The following GRAP2 variants were observed in gnomAD, a reference collection of about 807,000 sequenced individuals.
The protein encoded by GRAP2 is GRB2-related adapter protein 2.
GRAP2 carries 31 observed loss-of-function variants against 43.5 expected under a neutral mutation model. The ratio of observed to expected loss-of-function variants is 0.71; its 90% confidence interval spans 0.54 to 0.96. The LOEUF (loss-of-function observed/expected upper bound fraction) is 0.96. Among genes scored for constraint, GRAP2 ranks in the 40% least tolerant of loss-of-function variants. The probability of loss-of-function intolerance (pLI) is 0.00; values close to 1 mark genes in which losing one functional copy is unlikely to be tolerated. For synonymous variants in GRAP2, 156 were observed against 164.8 expected (o/e 0.95, Z 0.41); for missense variants, 371 against 424.4 (o/e 0.87, Z 1.11).
chr22:39,897,583 A>G (rs1451800562), upstream of GRAP2, among the ~76,000 whole-genome samples: 2 of 145,650 alleles, frequency 1.4e-5, no homozygotes, highest in African/African-American at 5.2e-5. Context: ...GCAATGGCGC[A>G]ATCTCGGCTC....
intron 1 of GRAP2, among the ~76,000 whole-genome samples, chr22:39,932,001 C>T (rs1373820642): frequency 6.6e-6 from 1 of 152,094 alleles, no homozygotes; most frequent in Non-Finnish European, 1.5e-5. Flanking sequence ...TATTCCAAAC[C>T]ACAACCTTCA....
intron 7 of GRAP2, among the ~76,000 whole-genome samples, chr22:39,969,766 T>C (rs1006080149): frequency 6.6e-6 from 1 of 152,008 alleles, no homozygotes; most frequent in Non-Finnish European, 1.5e-5. Flanking sequence ...ATACAAAAAT[T>C]AGCCAGGCAT....
chr22:39,966,306 T>C (rs898317371), intron 5 of GRAP2, 148 bp downstream of exon 5: 6 of 639,000 alleles, frequency 9.4e-6, no homozygotes. Flanking sequence ...GATCTCAACT[T>C]AACACTTCCT....
upstream of GRAP2, among the ~76,000 whole-genome samples, chr22:39,899,404 AACC>A (rs1197938368): frequency 3.3e-5 from 5 of 152,146 alleles, no homozygotes; most frequent in African/African-American, 1.2e-4. Context: ...ACCATTTCAA[AACC>A]ATCGACTTGG....
chr22:39,927,290 A>G (rs1601703394), intron 1 of GRAP2, among the ~76,000 whole-genome samples: 1 of 152,158 alleles, frequency 6.6e-6, no homozygotes. Flanking sequence ...TTGGTCTGGC[A>G]TTGGGTTTAT....
At chr22:39,927,682 C>A (rs1486363002) in intron 1 of GRAP2, among the ~76,000 whole-genome samples, 1 of 151,924 alleles carries the variant, frequency 6.6e-6, no homozygotes, top group Non-Finnish European at 1.5e-5. Flanking sequence ...TTTTTCCTCT[C>A]ACCCATGACT....
chr22:39,924,851 C>G (rs1042473775), intron 1 of GRAP2, among the ~76,000 whole-genome samples: 1 of 152,200 alleles, frequency 6.6e-6, no homozygotes, highest in African/African-American at 2.4e-5. Flanking sequence ...AGAAGTAAAA[C>G]TCAAACCACA....
the GRAP2 span, among the ~76,000 whole-genome samples, chr22:39,895,457 A>C: frequency 6.6e-6 from 1 of 152,186 alleles, no homozygotes; most frequent in South Asian, 2.1e-4. Context: ...GAAATCGAAA[A>C]GGTGACCTGG....
chr22:39,926,789 C>A, intron 1 of GRAP2: 1 of 984,798 alleles, frequency 1.0e-6, no homozygotes, highest in Non-Finnish European at 1.2e-6. Context: ...AGCAGGTTCG[C>A]CCAAACAATT....
At chr22:39,944,132 C>A (rs756502513) in intron 1 of GRAP2, among the ~76,000 whole-genome samples, 4 of 152,166 alleles carry the variant, frequency 2.6e-5, no homozygotes, top group Non-Finnish European at 5.9e-5. Context: ...TGTTGCTACC[C>A]AGTTTATATC....
chr22:39,947,728 C>T (rs1184408689), intron 2 of GRAP2: 1 of 153,700 alleles, frequency 6.5e-6, no homozygotes, highest in African/African-American at 2.4e-5. Flanking sequence ...CCTGGCCACT[C>T]AGGGGCTTTT....
At chr22:39,896,294 T>A (rs887703479), upstream of GRAP2, among the ~76,000 whole-genome samples, 1 of 152,196 alleles carries the variant, frequency 6.6e-6, no homozygotes, top group Admixed American at 6.5e-5. Context: ...TCCTCACACA[T>A]ATACTTTTAC....
At chr22:39,950,762 AG>A (rs1229308527) in intron 2 of GRAP2, among the ~76,000 whole-genome samples, 1 of 152,202 alleles carries the variant, frequency 6.6e-6, no homozygotes, top group Admixed American at 6.5e-5. Context: ...CAAAATGGGG[AG>A]GGCTTGTTGA....
At chr22:39,935,382 T>TC (rs2066796664) in intron 1 of GRAP2, among the ~76,000 whole-genome samples, 1 of 152,142 alleles carries the variant, frequency 6.6e-6, no homozygotes, top group Non-Finnish European at 1.5e-5. Context: ...CTGGGCCACT[T>TC]CCAACTTTGA....
chr22:39,909,054 A>G (rs138025316), intron 1 of GRAP2, among the ~76,000 whole-genome samples: 1 of 152,328 alleles, frequency 6.6e-6, no homozygotes, highest in East Asian at 1.9e-4. Context: ...ACTTTTGAAG[A>G]TTCATGTGTG....
rs34029804 is a variant in GRAP2, at chr22:39,957,939, G to GA, written c.170+2039dup. On this transcript the variant is annotated intron_variant, in intron 3 of 7. Transcript: ENST00000344138. ...CAGCAGAGAGAGACTCTGTTTCAAAGAAAAAAAAAATTTAAATAAATAAAT... is the reference window on the plus strand; with the variant it reads ...CAGCAGAGAGAGACTCTGTTTCAAAGAAAAAAAAAAATTTAAATAAATAAAT... Among the ~76,000 whole-genome samples, 371 of 149,102 alleles carry GA rather than the reference G, an allele frequency of 2.5e-3. 6 individuals carry two copies. Among genetic ancestry groups the GA allele is most frequent in the Admixed American group, 0.017 (257 of 14,968 alleles).
intron 1 of GRAP2, among the ~76,000 whole-genome samples, chr22:39,938,497 G>A (rs1288102494): frequency 6.6e-6 from 1 of 152,238 alleles, no homozygotes; most frequent in African/African-American, 2.4e-5. Flanking sequence ...GCAGGGCTGG[G>A]GATCCCATGT....
chr22:39,970,279 C>A (rs2067224897), intron 7 of GRAP2, among the ~76,000 whole-genome samples: 1 of 152,234 alleles, frequency 6.6e-6, no homozygotes, highest in African/African-American at 2.4e-5. Context: ...TAAGCTCTTG[C>A]TATATTGCCC....
chr22:39,898,571 G>C (rs912643916), upstream of GRAP2, among the ~76,000 whole-genome samples: 1 of 152,174 alleles, frequency 6.6e-6, no homozygotes, highest in South Asian at 2.1e-4. Flanking sequence ...CCAGCACTTT[G>C]GGGGGCCAAG....
Sources: gnomAD v4.1 joint callset for allele counts (sites outside exome capture counted in the v4.1 genomes callset) on GRCh38, gnomAD v4.1.1 for gene constraint, MANE v1.5 for transcripts, NCBI Gene and HGNC (gene_info 2026-07-23, HGNC 2026-07-21) for gene names.